AKAP7: variants seen among roughly 807,000 people sequenced by gnomAD.
The protein encoded by AKAP7 is A kinase (PRKA) anchor protein 7.
A neutral mutation model predicts 39.5 loss-of-function variants in AKAP7; 39 were observed. The ratio of observed to expected loss-of-function variants is 0.99; its 90% CI spans 0.76 to 1.29. The LOEUF is 1.29. AKAP7 is among the 50% of genes most tolerant of loss of function. The probability of loss-of-function intolerance (pLI) is 0.00; values close to 1 mark genes in which losing one functional copy is unlikely to be tolerated. For synonymous variants in AKAP7, 140 were observed against 139.1 expected, an observed-to-expected ratio of 1.01 and a Z score of -0.05; for missense variants, 414 against 407.7, an observed-to-expected ratio of 1.02 and a Z score of -0.13.
chr6:131,277,469 G>A (rs1814843139), intron 7 of AKAP7, among the ~76,000 whole-genome samples: 1 of 152,208 alleles, frequency 6.6e-6, no homozygotes, highest in Non-Finnish European at 1.5e-5. Context: ...TAGTTTGTGT[G>A]TGTTGCGCCA....
Position 131,282,707 on chromosome 6 carries a change from C to A in AKAP7, c.*981C>A. On this transcript the variant is annotated 3_prime_UTR_variant, in exon 8 of 8. Transcript: ENST00000431975. The stretch of plus-strand genomic sequence containing the variant: ...GAAGTTTCTGATAGTGTCTGCACAA[C>A]AGCAAACCAACATTTGGTGAGGAAT... 1 of 904,572 alleles carries A rather than the reference C, an allele frequency of 1.1e-6. No homozygotes were observed. Among genetic ancestry groups the A allele is most frequent in the Non-Finnish European group, 1.5e-6 (1 of 645,256 alleles). The allele number at this position is 904,572 out of a possible 1,614,324, so 56.0% of individuals were successfully genotyped here. A position where few individuals can be genotyped will look rare whatever the true frequency, so the allele number is the denominator to read the frequency against.
At position 131,260,564 on chromosome 6, in the gene AKAP7, C is replaced by CTGTT. The variant is rs1183950925; in HGVS notation, c.851-20964_851-20961dup. 2.6e-5 allele frequency among the ~76,000 whole-genome samples: 4 copies of CTGTT among 152,148 alleles called. No homozygotes were observed. The East Asian group carries it at 7.7e-4, about 29-fold the overall frequency. ...TTCTCTAATGATCAGTGATGCTGAG[C>CTGTT]TGTTTTTCATATATTTGTTGGCTGC... On this transcript the variant is annotated intron_variant, in intron 7 of 7. Transcript: ENST00000431975.
At chr6:131,265,777 T>C (rs1014555558) in intron 7 of AKAP7, among the ~76,000 whole-genome samples, 1 of 152,168 alleles carries the variant, frequency 6.6e-6, no homozygotes. Context: ...TTTAGTTTTG[T>C]AGACTTCGGC....
intron 5 of AKAP7, among the ~76,000 whole-genome samples, chr6:131,170,084 G>A (rs776991802): frequency 3.3e-4 from 48 of 146,898 alleles, no homozygotes; most frequent in Non-Finnish European, 5.2e-4. Context: ...TGGGAATGGT[G>A]GGAATTGAAC....
At chr6:131,186,906 A>T (rs1397957178) in intron 5 of AKAP7, among the ~76,000 whole-genome samples, 2 of 152,178 alleles carry the variant, frequency 1.3e-5, no homozygotes, top group African/African-American at 4.8e-5. Context: ...GAGGGACACA[A>T]ACATTCAGAC....
intron 5 of AKAP7, among the ~76,000 whole-genome samples, chr6:131,182,723 A>G (rs960195445): frequency 6.6e-6 from 1 of 152,188 alleles, no homozygotes; most frequent in Non-Finnish European, 1.5e-5. Context: ...AACTGTCTTA[A>G]TGTTTTCTAT....
chr6:131,185,163 C>T (rs557732648), intron 5 of AKAP7: 2 of 536,874 alleles, frequency 3.7e-6, no homozygotes, highest in Admixed American at 2.5e-5. Flanking sequence ...AGAGATCAGC[C>T]CCTCCTTCTT....
intron 5 of AKAP7, among the ~76,000 whole-genome samples, chr6:131,188,251 C>T (rs1252791640): frequency 6.6e-6 from 1 of 152,032 alleles, no homozygotes; most frequent in Non-Finnish European, 1.5e-5. Flanking sequence ...GTTCAAGTGA[C>T]TTGCTAAGAC....
chr6:131,176,596 G>T (rs1804607912), intron 5 of AKAP7, among the ~76,000 whole-genome samples: 1 of 151,922 alleles, frequency 6.6e-6, no homozygotes. Flanking sequence ...CATGATAAAA[G>T]ATTCTAAGTA....
At chr6:131,138,903 A>T (rs1368232004) in intron 1 of AKAP7, among the ~76,000 whole-genome samples, 2 of 152,202 alleles carry the variant, frequency 1.3e-5, no homozygotes, top group Admixed American at 6.5e-5. Flanking sequence ...GCTTCACCTC[A>T]TCTTTATGTT....
chr6:131,136,144 C>T (rs1427864227), intron 1 of AKAP7, among the ~76,000 whole-genome samples: 3 of 152,166 alleles, frequency 2.0e-5, no homozygotes, highest in African/African-American at 7.2e-5. Flanking sequence ...GTAAACAAAA[C>T]CTAGTAAAAT....
upstream of AKAP7, among the ~76,000 whole-genome samples, chr6:131,134,004 C>T (rs777989583): frequency 1.6e-4 from 25 of 152,140 alleles, no homozygotes; most frequent in Admixed American, 9.8e-4. Context: ...CAGGATCTGG[C>T]TCTGTTGTCC....
chr6:131,234,681 C>A (rs1290025310), intron 7 of AKAP7, among the ~76,000 whole-genome samples: 2 of 101,072 alleles, frequency 2.0e-5, no homozygotes, highest in Non-Finnish European at 4.3e-5. Context: ...TAACCATTTT[C>A]TTCTCTCTCC....
intron 7 of AKAP7, chr6:131,242,018 T>C: frequency 3.1e-6 from 3 of 959,648 alleles, no homozygotes; most frequent in Non-Finnish European, 3.7e-6. Flanking sequence ...GTTTAAATTC[T>C]GTCTTTTTTA....
Position 131,272,808 on chromosome 6 carries a change from A to G in AKAP7, c.851-8722A>G, listed in dbSNP as rs187562414. On this transcript the variant is annotated intron_variant, in intron 7 of 7. Transcript: ENST00000431975. ...GCAAAGGTTTTCTATACACTAAAAC[A>G]AAAGTGTATTCTGTTGTTGGCTGGA... Among the ~76,000 whole-genome samples, 315 of 152,314 alleles carry G rather than the reference A, an allele frequency of 2.1e-3. 1 individual carries two copies. The highest frequency in any genetic ancestry group is 7.3e-3 in the African/African-American group (302 of 41,584).
chr6:131,224,084 AT>A (rs1809941034), intron 7 of AKAP7, among the ~76,000 whole-genome samples: 1 of 152,216 alleles, frequency 6.6e-6, no homozygotes, highest in Admixed American at 6.5e-5. Context: ...GTTTTAAAAA[AT>A]GATTTTTGCT....
Position 131,179,886 on chromosome 6 carries a change from A to AATAG in AKAP7, c.589+10616_589+10617insGATA, listed in dbSNP as rs1207362114. 1.6e-3 allele frequency among the ~76,000 whole-genome samples: 236 copies of AATAG among 151,716 alleles called. 2 individuals carry two copies. The highest frequency in any genetic ancestry group is 5.6e-3 in the African/African-American group (232 of 41,284). On this transcript the variant is annotated intron_variant, in intron 5 of 7. Transcript: ENST00000431975. ...CCTGTCTCAAATAAATAAATAAATA[A>AATAG]ATAAATAAATAATAAATAAATAAAT...
chr6:131,242,495 T>C (rs1392571635), intron 7 of AKAP7, among the ~76,000 whole-genome samples: 1 of 149,830 alleles, frequency 6.7e-6, no homozygotes, highest in Non-Finnish European at 1.5e-5. Flanking sequence ...TTTTGCTATA[T>C]ATATAATTAT....
intron 5 of AKAP7, among the ~76,000 whole-genome samples, chr6:131,170,460 C>T (rs1486855436): frequency 1.3e-5 from 2 of 152,098 alleles, no homozygotes; most frequent in African/African-American, 4.8e-5. Flanking sequence ...AGTAATGCAT[C>T]CTTTGGCCTT....
Sources: allele counts gnomAD v4.1 joint callset (sites outside exome capture counted in the v4.1 genomes callset), GRCh38; gene constraint gnomAD v4.1.1; transcripts MANE v1.5; gene names NCBI Gene and HGNC (gene_info 2026-07-23, HGNC 2026-07-21).